The following PRKN variants were observed in gnomAD, a reference collection of about 807,000 sequenced individuals.
PRKN encodes E3 ubiquitin-protein ligase parkin.
In PRKN, 56 loss-of-function variants were observed where a neutral mutation model predicts 59.5. The ratio of observed to expected loss-of-function variants is 0.94; its 90% CI spans 0.76 to 1.18. PRKN has a LOEUF of 1.18. PRKN is among the 50% of genes most tolerant of loss of function. PRKN has a pLI of 0.00. For missense variants in PRKN, 657 were observed against 596.4 expected (o/e 1.10, Z -1.06); for synonymous variants, 250 against 222.1 (o/e 1.13, Z -1.12).
intron 2 of PRKN, among the ~76,000 whole-genome samples, chr6:162,366,016 A>G (rs571427790): frequency 6.6e-6 from 1 of 152,292 alleles, no homozygotes; most frequent in South Asian, 2.1e-4. Flanking sequence ...TTACTGCCCA[A>G]AGATTTGTAC....
intron 6 of PRKN, among the ~76,000 whole-genome samples, chr6:161,894,627 T>C (rs1317477873): frequency 6.6e-6 from 1 of 152,338 alleles, no homozygotes; most frequent in East Asian, 1.9e-4. Flanking sequence ...CTCCTTGCGA[T>C]ATACTTATCT....
rs1190059475 is a variant in PRKN at position 161,442,411 on chromosome 6, G to A, written c.1084-55534C>T. Among the ~76,000 whole-genome samples the A allele has an allele frequency of 2.0e-5, 3 of 152,134 alleles. No individual in the cohort carries two copies. The highest frequency in any genetic ancestry group is 7.2e-5 in the African/African-American group (3 of 41,432). ...CACTATTCTTACTGTCCACAAACAG[G>A]TTTACTTTAGTGATCATAACAAATG... is the stretch of plus-strand genomic sequence containing the variant. On this transcript the variant is annotated intron_variant, in intron 9 of 11. Coordinates refer to ENST00000366898, the MANE Select transcript of PRKN (RefSeq NM_004562.3). This position sits in a 1 kb window ranked among gnomAD's most constrained non-coding sequence, Gnocchi z 4.6.
At chr6:162,307,788 T>C (rs955603804) in intron 2 of PRKN, among the ~76,000 whole-genome samples, 3 of 151,868 alleles carry the variant, frequency 2.0e-5, no homozygotes, top group Non-Finnish European at 2.9e-5. Context: ...TCCCAAACAT[T>C]TCTCCGCTAG....
intron 4 of PRKN, among the ~76,000 whole-genome samples, chr6:162,096,311 C>T (rs1025090837): frequency 2.6e-5 from 4 of 152,138 alleles, no homozygotes; most frequent in Non-Finnish European, 5.9e-5. Context: ...CCATTCACAT[C>T]CAATTTTGTG....
chr6:161,919,072 A>G (rs995055752), intron 6 of PRKN, among the ~76,000 whole-genome samples: 1 of 152,212 alleles, frequency 6.6e-6, no homozygotes, highest in African/African-American at 2.4e-5. Flanking sequence ...ATCCACACGA[A>G]GAGTTTTACG....
intron 1 of PRKN, among the ~76,000 whole-genome samples, chr6:162,670,914 G>A (rs369324603): frequency 6.6e-6 from 1 of 151,996 alleles, no homozygotes; most frequent in Non-Finnish European, 1.5e-5. Flanking sequence ...AGCAAACTAC[G>A]ACTTAAGAAT....
chr6:162,258,495 G>T (rs908516292), intron 3 of PRKN, among the ~76,000 whole-genome samples: 13 of 151,772 alleles, frequency 8.6e-5, no homozygotes, highest in Non-Finnish European at 1.9e-4. Context: ...GCACCCTGGA[G>T]CCCAGGTGCA....
intron 4 of PRKN, among the ~76,000 whole-genome samples, chr6:162,181,784 T>C (rs887111969): frequency 3.3e-5 from 5 of 152,094 alleles, no homozygotes; most frequent in African/African-American, 1.2e-4. Context: ...CTTCCAACTA[T>C]CCCTGCCCAA....
chr6:162,132,597 T>C (rs1781409572), intron 4 of PRKN, among the ~76,000 whole-genome samples: 1 of 152,148 alleles, frequency 6.6e-6, no homozygotes, highest in Non-Finnish European at 1.5e-5. Context: ...ACGTTGTAAC[T>C]AGCACAGAAG....
intron 7 of PRKN, among the ~76,000 whole-genome samples, chr6:161,629,017 A>G (rs1783198054): frequency 6.6e-6 from 1 of 152,236 alleles, no homozygotes; most frequent in African/African-American, 2.4e-5. Flanking sequence ...AAAGGAGTGC[A>G]GAAGGCAGAC....
At chr6:162,438,877 G>T (rs1263402588) in intron 2 of PRKN, among the ~76,000 whole-genome samples, 1 of 152,112 alleles carries the variant, frequency 6.6e-6, no homozygotes, top group African/African-American at 2.4e-5. Context: ...TTGAGCATTT[G>T]CCCACCATTA....
At chr6:161,511,270 A>G (rs1778379231) in intron 9 of PRKN, among the ~76,000 whole-genome samples, 1 of 152,242 alleles carries the variant, frequency 6.6e-6, no homozygotes, top group Non-Finnish European at 1.5e-5. Flanking sequence ...AATATGATGT[A>G]AGTTTAAAAA....
At chr6:161,960,326 C>A (rs2128248331) in intron 6 of PRKN, among the ~76,000 whole-genome samples, 1 of 152,304 alleles carries the variant, frequency 6.6e-6, no homozygotes, top group African/African-American at 2.4e-5. Flanking sequence ...CACTGTGCTT[C>A]ATGTGTATCT....
chr6:161,926,314 C>T (rs1261751660), intron 6 of PRKN, among the ~76,000 whole-genome samples: 1 of 152,108 alleles, frequency 6.6e-6, no homozygotes, highest in African/African-American at 2.4e-5. Flanking sequence ...TTATATATTC[C>T]TGTAGCTGAG....
chr6:162,215,916 G>A (rs183292590), intron 3 of PRKN, among the ~76,000 whole-genome samples: 2 of 152,210 alleles, frequency 1.3e-5, no homozygotes, highest in East Asian at 1.9e-4. Context: ...GGTGGTGCAT[G>A]CCTGTAATCC....
intron 1 of PRKN, among the ~76,000 whole-genome samples, chr6:162,533,737 G>A (rs1432240638): frequency 6.6e-6 from 1 of 151,830 alleles, no homozygotes; most frequent in African/African-American, 2.4e-5. Context: ...TTGGGAGGCC[G>A]AGGCGGGCGG....
chr6:161,846,162 GTT>G (rs1488866657), intron 6 of PRKN, among the ~76,000 whole-genome samples: 3 of 152,148 alleles, frequency 2.0e-5, no homozygotes, highest in Admixed American at 1.3e-4. Flanking sequence ...GTGAAGAGAA[GTT>G]TTGTAACTGT....
rs186287713 is a variant in PRKN at position 161,994,851 on chromosome 6, C to T, written c.619-21434G>A. 2.7e-4 allele frequency among the ~76,000 whole-genome samples: 41 copies of T among 151,516 alleles called. 1 individual carries two copies. Among genetic ancestry groups the T allele is most frequent in the African/African-American group, 6.5e-4 (27 of 41,286 alleles). On this transcript the variant is annotated intron_variant, in intron 5 of 11. Transcript: ENST00000366898. ...GGAAAGACATGCCCTGCTCATTGAC[C>T]GAATTAATATTGTTAAAATGACTGC...
chr6:161,784,762 T>A (rs1790345912), intron 7 of PRKN, among the ~76,000 whole-genome samples: 1 of 152,020 alleles, frequency 6.6e-6, no homozygotes. Context: ...TCGGTATATA[T>A]CCAAGGTAAA....
Sources: allele counts gnomAD v4.1 joint callset (sites outside exome capture counted in the v4.1 genomes callset), GRCh38; gene constraint gnomAD v4.1.1; non-coding constraint Gnocchi (gnomAD v3.1); transcripts MANE v1.5; gene names NCBI Gene and HGNC (gene_info 2026-07-23, HGNC 2026-07-21).